ANAPC13: variants seen among roughly 807,000 people sequenced by gnomAD.
ANAPC13 encodes anaphase promoting complex subunit 13.
A neutral mutation model predicts 9.6 loss-of-function variants in ANAPC13; 9 were observed. The observed-to-expected ratio is 0.94, with a 90% CI of 0.57 to 1.64. The LOEUF is 1.64. Ranked by LOEUF, ANAPC13 falls within the 40% of genes most tolerant of loss-of-function variation. The pLI, the probability that ANAPC13 is intolerant of heterozygous loss-of-function variation, is 0.00. For missense variants in ANAPC13, 75 were observed against 85.3 expected, an observed-to-expected ratio of 0.88 and a Z score of 0.48; for synonymous variants, 30 against 29.7, an observed-to-expected ratio of 1.01 and a Z score of -0.03.
chr3:134,485,240 T>C (rs1311991201), intron 1 of ANAPC13: 2 of 152,216 alleles, frequency 1.3e-5, no homozygotes, highest in Non-Finnish European at 2.9e-5. Flanking sequence ...ACACTGATTA[T>C]CTTGTGTATT....
At position 134,480,913 on chromosome 3, in the gene ANAPC13, C is replaced by T. The variant is rs373174649; in HGVS notation, c.99+1893G>A. Among the ~76,000 whole-genome samples the T allele has an allele frequency of 5.9e-5, 9 of 152,296 alleles. No individual in the cohort carries two copies. The East Asian group carries it at 7.7e-4, about 13-fold the overall frequency. On this transcript the variant is annotated intron_variant, in intron 2 of 2. Transcript: ENST00000354910. ...TATGCAGCAAAACCTAACTGGCATACACATTGCCTTAGAATCGCAAGACAA... is the reference window on the plus strand; with the variant it reads ...TATGCAGCAAAACCTAACTGGCATATACATTGCCTTAGAATCGCAAGACAA...
At chr3:134,484,477 TAC>T (rs1237213070) in intron 1 of ANAPC13, among the ~76,000 whole-genome samples, 3 of 152,126 alleles carry the variant, frequency 2.0e-5, no homozygotes, top group Non-Finnish European at 4.4e-5. Context: ...GCAAAAATTA[TAC>T]ACAGATTGGT....
At chr3:134,485,111 TA>T (rs1253719341) in intron 1 of ANAPC13, among the ~76,000 whole-genome samples, 1 of 152,206 alleles carries the variant, frequency 6.6e-6, no homozygotes, top group Non-Finnish European at 1.5e-5. Flanking sequence ...CCTTTCAAGA[TA>T]AACGCAGGCG....
intron 1 of ANAPC13, chr3:134,485,417 A>G (rs772296417): frequency 6.6e-6 from 1 of 152,166 alleles, no homozygotes; most frequent in Non-Finnish European, 1.5e-5. Flanking sequence ...GTCGCTTCCT[A>G]TAGGAGGCCG....
intron 2 of ANAPC13, among the ~76,000 whole-genome samples, chr3:134,481,260 T>A (rs1203194280): frequency 6.6e-6 from 1 of 152,210 alleles, no homozygotes; most frequent in Non-Finnish European, 1.5e-5. Flanking sequence ...CTCCTGAGGA[T>A]GAGGTCTAAG....
chr3:134,485,523 G>C (rs574313098), intron 1 of ANAPC13: 1 of 152,414 alleles, frequency 6.6e-6, no homozygotes, highest in East Asian at 1.9e-4. Flanking sequence ...TGGGGAGTCT[G>C]TCAAACAGCC....
At position 134,485,934 on chromosome 3, in the gene ANAPC13, G is replaced by A. The variant is rs1935110980; in HGVS notation, c.-28+18C>T. 1 of 968,714 alleles carries A rather than the reference G, an allele frequency of 1.0e-6. No individual in the cohort carries two copies. Among genetic ancestry groups the A allele is most frequent in the South Asian group, 4.8e-5 (1 of 20,934 alleles). 60.0% of individuals were successfully genotyped at this position (968,714 alleles called of 1,614,324 possible). ...CCGCGCCTCCAAAACCTAGGCCGGG[G>A]GCGCTGGAAACCCTTACCGGCACCC... On this transcript the variant is annotated intron_variant, in intron 1 of 2. Coordinates refer to ENST00000354910, the MANE Select transcript of ANAPC13 (RefSeq NM_015391.4).
At chr3:134,479,728 A>G (rs1011067995) in intron 2 of ANAPC13, among the ~76,000 whole-genome samples, 7 of 152,318 alleles carry the variant, frequency 4.6e-5, no homozygotes, top group Admixed American at 2.0e-4. Flanking sequence ...ACCTCCCTCT[A>G]GTGGTGGAGC....
intron 2 of ANAPC13, among the ~76,000 whole-genome samples, chr3:134,482,052 G>A (rs184708967): frequency 6.6e-6 from 1 of 152,222 alleles, no homozygotes; most frequent in East Asian, 1.9e-4. Flanking sequence ...TGAAAATACA[G>A]ATGAACTATT....
chr3:134,478,394 GA>G lies in ANAPC13; in HGVS notation c.*195del. 1 of 681,084 alleles carries G rather than the reference GA, an allele frequency of 1.5e-6. No homozygotes were observed. The highest frequency in any genetic ancestry group is 2.8e-4 in the Middle Eastern group (1 of 3,514). 42.2% of individuals were successfully genotyped at this position (681,084 alleles called of 1,614,324 possible). ...CTCAATGAAGAGTTTTAGGTTTAAA[GA>G]GCGAAATATTCACCATTACTGAGAA... On this transcript the variant is annotated 3_prime_UTR_variant, in exon 3 of 3. Transcript: ENST00000354910.
upstream of ANAPC13, chr3:134,485,991 G>GCGCC: frequency 3.2e-6 from 3 of 938,150 alleles, no homozygotes; most frequent in Non-Finnish European, 3.8e-6. Flanking sequence ...CTCCTGCCAC[G>GCGCC]CCCCCCCCCC....
Position 134,482,934 on chromosome 3 carries a change from G to A in ANAPC13, c.-27-3C>T. 1.9e-6 allele frequency: 3 copies of A among 1,552,674 alleles called. No homozygotes were observed. Among genetic ancestry groups the A allele is most frequent in the Non-Finnish European group, 2.7e-6 (3 of 1,123,954 alleles). On this transcript the variant is annotated splice_region_variant and splice_polypyrimidine_tract_variant and intron_variant, in intron 1 of 2. Transcript: ENST00000354910. ...CTGCAGCTTTGATCTTGTCAAATCT[G>A]TAAGCCAAAGAGGTTATTTCTTAAA...
intron 1 of ANAPC13, chr3:134,485,376 CCA>C (rs1243131399): frequency 6.6e-6 from 1 of 152,224 alleles, no homozygotes; most frequent in Non-Finnish European, 1.5e-5. Flanking sequence ...TCCAGTGAAC[CCA>C]CAGTCAGTCT....
intron 1 of ANAPC13, among the ~76,000 whole-genome samples, chr3:134,483,655 G>T (rs972113445): frequency 6.6e-6 from 1 of 152,144 alleles, no homozygotes; most frequent in African/African-American, 2.4e-5. Flanking sequence ...CAAAAGGCTG[G>T]CTAGCTTGTA....
intron 2 of ANAPC13, among the ~76,000 whole-genome samples, chr3:134,479,892 A>T (rs1934698251): frequency 6.6e-6 from 1 of 152,220 alleles, no homozygotes; most frequent in Non-Finnish European, 1.5e-5. Flanking sequence ...GCTTTGTACC[A>T]GAGTTCACAG....
At chr3:134,482,967 A>G in intron 1 of ANAPC13, 36 bp from the exon 2 acceptor site, 2 of 1,340,498 alleles carry the variant, frequency 1.5e-6, no homozygotes, top group Non-Finnish European at 1.1e-6. Context: ...AAACACGAAG[A>G]CTGAAGAGAT....
At chr3:134,479,500 G>T (rs1201581218) in intron 2 of ANAPC13, among the ~76,000 whole-genome samples, 2 of 152,018 alleles carry the variant, frequency 1.3e-5, no homozygotes, top group African/African-American at 4.8e-5. Context: ...ACCATGCCCG[G>T]CTAATTTTGT....
chr3:134,479,437 A>G (rs1490722761), intron 2 of ANAPC13, among the ~76,000 whole-genome samples: 3 of 152,098 alleles, frequency 2.0e-5, no homozygotes, highest in African/African-American at 7.2e-5. Context: ...TCCCGGGTTC[A>G]AGCGATTCTC....
At chr3:134,485,119 G>A (rs1289898359) in intron 1 of ANAPC13, among the ~76,000 whole-genome samples, 1 of 152,122 alleles carries the variant, frequency 6.6e-6, no homozygotes, top group African/African-American at 2.4e-5. Flanking sequence ...GATAAACGCA[G>A]GCGTCAGCTC....
Sources: allele counts gnomAD v4.1 joint callset (sites outside exome capture counted in the v4.1 genomes callset), GRCh38; gene constraint gnomAD v4.1.1; transcripts MANE v1.5; gene names NCBI Gene and HGNC (gene_info 2026-07-23, HGNC 2026-07-21).